Variants in MMP12 observed in about 807,000 individuals in gnomAD.
MMP12 encodes macrophage metalloelastase.
Under a neutral mutation model 45.2 loss-of-function variants are expected in MMP12, and 51 were observed. That is an observed-to-expected ratio of 1.13 (90% CI 0.90 to 1.42). The LOEUF (loss-of-function observed/expected upper bound fraction) is 1.42. MMP12 is among the 40% of genes most tolerant of loss of function. MMP12 has a pLI of 0.00. For missense variants in MMP12, 530 were observed against 570.8 expected (o/e 0.93, Z 0.73); for synonymous variants, 210 against 193.3 (o/e 1.09, Z -0.72).
chr11:102,863,398 T>C (rs1555008098), intron 9 of MMP12, among the ~76,000 whole-genome samples, 198 bp from the exon 10 acceptor site: 1 of 152,070 alleles, frequency 6.6e-6, no homozygotes, highest in African/African-American at 2.4e-5. Flanking sequence ...AGCCTGGCCA[T>C]CATCACAAGA....
At chr11:102,864,384 C>T in intron 8 of MMP12, 132 bp from the exon 9 acceptor site, 2 of 641,564 alleles carry the variant, frequency 3.1e-6, no homozygotes, top group East Asian at 5.5e-5. Flanking sequence ...AAACCAAGGA[C>T]CTAAACAGTT....
At chr11:102,870,018 T>A (rs781999386) in intron 4 of MMP12, among the ~76,000 whole-genome samples, 1 of 152,304 alleles carries the variant, frequency 6.6e-6, no homozygotes, top group Non-Finnish European at 1.5e-5. Context: ...TTTGAAAGCA[T>A]TGAATCAATC....
chr11:102,865,827 A>T lies in MMP12; in HGVS notation c.1154T>A (p.Phe385Tyr), dbSNP rs782586742. Reference sequence around the variant, plus strand: ...GTAGGTCCTATAAAAACGTGGGTTAAAAACAGCTGCATCAATTTTTTTCAC... The same window carrying T: ...GTAGGTCCTATAAAAACGTGGGTTATAAACAGCTGCATCAATTTTTTTCAC... ...NFVKKIDAAV[F>Y]NPRFYRTYFF... The change falls in exon 8 of 10, where the codon TTT becomes TAT. Residue 385 changes from phenylalanine (F) to tyrosine (Y), a missense_variant. By Grantham distance (22) the Phe-to-Tyr change is conservative. Coordinates refer to ENST00000571244, the MANE Select transcript of MMP12 (RefSeq NM_002426.6). This position sits in a 1 kb window ranked among gnomAD's most constrained non-coding sequence, Gnocchi z 4.1. The T allele has an allele frequency of 6.8e-6, 11 of 1,612,940 alleles. No homozygotes were observed. The highest frequency in any genetic ancestry group is 9.3e-6 in the Non-Finnish European group (11 of 1,179,316).
In MMP12 at chr11:102,871,963, A is replaced by G; in HGVS notation, c.351-11T>C. ...GTGTAATTATTGATTCTTTATCAGC[A>G]AAAAGAGAGAGAAAAATGTATGGAA... On this transcript the variant is annotated splice_polypyrimidine_tract_variant and intron_variant, in intron 2 of 9. Transcript: ENST00000571244. 6.3e-7 allele frequency: 1 copy of G among 1,594,000 alleles called. No homozygotes were observed. The highest frequency in any genetic ancestry group is 8.5e-7 in the Non-Finnish European group (1 of 1,171,718).
At chr11:102,867,883 C>A in intron 5 of MMP12, 25 bp downstream of exon 5, 3 of 1,592,894 alleles carry the variant, frequency 1.9e-6, no homozygotes, top group Non-Finnish European at 2.6e-6. Context: ...CTTTATATGG[C>A]AAAATGATAA....
At chr11:102,869,087 T>C (rs950959089) in intron 4 of MMP12, among the ~76,000 whole-genome samples, 2 of 152,226 alleles carry the variant, frequency 1.3e-5, no homozygotes, top group African/African-American at 4.8e-5. Context: ...TTCTCTCAAA[T>C]TGCTCAATTT....
rs200751457 is a variant in MMP12 at position 102,868,040 on chromosome 11, C to A, written c.655G>T (p.Glu219Ter). The A allele has an allele frequency of 3.4e-5, 55 of 1,601,430 alleles. 1 individual carries two copies. The highest frequency in any genetic ancestry group is 4.2e-5 in the Non-Finnish European group (49 of 1,174,004). The change falls in exon 5 of 10, where the codon GAG (glutamate) becomes TAG (stop). Residue 219 changes from glutamate (E) to a stop codon, truncating the protein, a stop_gained. Coordinates refer to ENST00000571244, the MANE Select transcript of MMP12 (RefSeq NM_002426.6). LOFTEE classifies it high-confidence loss of function. ...GTNLFLTAVH[E>*]IGHSLGLGHS... ...CCAAGACCTAAGGAATGGCCAATCT[C>A]GTGAACAGCAGTGAGGAACAAGTTT...
chr11:102,872,353 T>A (rs1342348877), intron 2 of MMP12, among the ~76,000 whole-genome samples: 7 of 152,324 alleles, frequency 4.6e-5, no homozygotes, highest in African/African-American at 1.7e-4. Flanking sequence ...TTTTTTCTTT[T>A]TTTTTGAGAT....
chr11:102,863,641 T>C (rs1178950049), intron 9 of MMP12, among the ~76,000 whole-genome samples: 1 of 152,110 alleles, frequency 6.6e-6, no homozygotes, highest in African/African-American at 2.4e-5. Context: ...ACAAAAAATC[T>C]TGACCCCATG....
chr11:102,873,187 T>A (rs1431887922), intron 1 of MMP12, 75 bp from the exon 2 acceptor site: 3 of 1,295,882 alleles, frequency 2.3e-6, no homozygotes, highest in Admixed American at 2.1e-5. Flanking sequence ...CATATATGAC[T>A]CAATTGCACA....
Position 102,865,177 on chromosome 11 carries a change from G to A in MMP12, c.1205+599C>T, listed in dbSNP as rs1384697230. 6.6e-6 allele frequency among the ~76,000 whole-genome samples: 1 copy of A among 152,180 alleles called. No homozygotes were observed. The highest frequency in any genetic ancestry group is 1.9e-4 in the East Asian group (1 of 5,202). ...TTGTAAATGTAAGCTTAACATATAT[G>A]TTATGTCTCATGTCAACCAGGCAAG... On this transcript the variant is annotated intron_variant, in intron 8 of 9. Coordinates refer to ENST00000571244, the MANE Select transcript of MMP12 (RefSeq NM_002426.6). The surrounding 1 kb of genome is among the most constrained non-coding windows in gnomAD (Gnocchi z 4.1).
Position 102,867,276 on chromosome 11 carries a change from T to G in MMP12, c.905A>C (p.Lys302Thr). ...TTVGNKIFFF[K>T]DRFFWLKVSE... The stretch of plus-strand genomic sequence containing the variant: ...GATATGAAAATGATCCTACCTGTCT[T>G]TGAAGAAAAAGATCTTATTTCCCAC... The change falls in exon 6 of 10, where the codon AAA becomes ACA. Residue 302 changes from lysine to threonine, a missense_variant. By Grantham distance (78) the Lys-to-Thr change is moderately conservative. Transcript: ENST00000571244. The G allele has an allele frequency of 6.3e-7, 1 of 1,594,964 alleles. No individual in the cohort carries two copies. Among genetic ancestry groups the G allele is most frequent in the Non-Finnish European group, 8.5e-7 (1 of 1,171,530 alleles).
chr11:102,872,068 TC>T, intron 2 of MMP12, 116 bp from the exon 3 acceptor site: 1 of 1,194,720 alleles, frequency 8.4e-7, no homozygotes, highest in Non-Finnish European at 1.1e-6. Flanking sequence ...AAATCAAGAG[TC>T]CAGATTTTAA....
At position 102,865,254 on chromosome 11, in the gene MMP12, C is replaced by T. The variant is rs1168160865; in HGVS notation, c.1205+522G>A. Reference sequence around the variant, plus strand: ...AGAAGAAGGAATACAGAATCCTCTCCTCCTTCAAAATGTAGACAATTGAGA... The same window carrying T: ...AGAAGAAGGAATACAGAATCCTCTCTTCCTTCAAAATGTAGACAATTGAGA... On this transcript the variant is annotated intron_variant, in intron 8 of 9. Coordinates refer to ENST00000571244, the MANE Select transcript of MMP12 (RefSeq NM_002426.6). The surrounding 1 kb of genome is among the most constrained non-coding windows in gnomAD (Gnocchi z 4.1). 6.6e-6 allele frequency among the ~76,000 whole-genome samples: 1 copy of T among 152,194 alleles called. No homozygotes were observed.
At position 102,867,391 on chromosome 11, in the gene MMP12, CT is replaced by C; in HGVS notation, c.789del (p.Asp264ThrfsTer23). The C allele has an allele frequency of 6.2e-7, 1 of 1,604,712 alleles. No individual in the cohort carries two copies. The highest frequency in any genetic ancestry group is 1.1e-5 in the South Asian group (1 of 88,350). On this transcript the variant is annotated frameshift_variant and splice_region_variant, in exon 6 of 10. Transcript: ENST00000571244. LOFTEE classifies it high-confidence loss of function. ...DDIRGIQSLY[G>X]DPKENQRLPN... ...GGCAAGCGTTGGTTCTCTTTTGGGT[CT>C]CCTGAAAATACATTTCGAGAAGCAT... is the stretch of plus-strand genomic sequence containing the variant.
intron 1 of MMP12, 128 bp from the exon 2 acceptor site, chr11:102,873,240 G>C: frequency 1.2e-6 from 1 of 803,394 alleles, no homozygotes; most frequent in Non-Finnish European, 1.9e-6. Flanking sequence ...TTACTCACAG[G>C]TTAGATTATT....
chr11:102,867,937 T>C lies in MMP12; in HGVS notation c.758A>G (p.Asp253Gly). The C allele has an allele frequency of 6.2e-7, 1 of 1,610,610 alleles. No individual in the cohort carries two copies. The highest frequency in any genetic ancestry group is 8.5e-7 in the Non-Finnish European group (1 of 1,178,576). ...CAGGGACTGAATGCCACGTATGTCA[T>C]CAGCAGAGAGGCGAAATGTGTTGAT... is the stretch of plus-strand genomic sequence containing the variant. ...VDINTFRLSA[D>G]DIRGIQSLYG... The change falls in exon 5 of 10, where the codon GAT becomes GGT. Residue 253 changes from aspartate (D) to glycine (G), a missense_variant. Physicochemically the swap from Asp to Gly is moderately conservative, Grantham distance 94. Transcript: ENST00000571244.
Position 102,865,347 on chromosome 11 carries a change from T to C in MMP12, c.1205+429A>G, listed in dbSNP as rs1334031249. Among the ~76,000 whole-genome samples, 1 of 152,164 alleles carries C rather than the reference T, an allele frequency of 6.6e-6. No individual in the cohort carries two copies. The highest frequency in any genetic ancestry group is 1.5e-5 in the Non-Finnish European group (1 of 68,022). ...CCATATGACTTTCTTTTAAGGAAGATCTTGCAGGACCTCCTGACCTCCTGT... is the reference window on the plus strand; with the variant it reads ...CCATATGACTTTCTTTTAAGGAAGACCTTGCAGGACCTCCTGACCTCCTGT... On this transcript the variant is annotated intron_variant, in intron 8 of 9. Coordinates refer to ENST00000571244, the MANE Select transcript of MMP12 (RefSeq NM_002426.6). The surrounding 1 kb of genome is among the most constrained non-coding windows in gnomAD (Gnocchi z 4.1).
At chr11:102,866,554 G>GTCT in intron 6 of MMP12, 106 bp from the exon 7 acceptor site, 1 of 1,123,292 alleles carries the variant, frequency 8.9e-7, no homozygotes, top group Non-Finnish European at 1.3e-6. Context: ...TCTTTCCATT[G>GTCT]TCTTCACATT....
Sources: gnomAD v4.1 joint callset for allele counts (sites outside exome capture counted in the v4.1 genomes callset) on GRCh38, gnomAD v4.1.1 for gene constraint, Gnocchi (gnomAD v3.1) non-coding constraint, MANE v1.5 for transcripts, NCBI Gene and HGNC (gene_info 2026-07-23, HGNC 2026-07-21) for gene names.